MSH3: variants seen among roughly 807,000 people sequenced by gnomAD.
MSH3 encodes the protein mutS homolog 3.
MSH3 carries 106 observed loss-of-function variants against 123.3 expected under a neutral mutation model. That is an observed-to-expected ratio of 0.86 (90% CI 0.73 to 1.01). The LOEUF is 1.01. MSH3 is among the 50% of genes least tolerant of loss of function. The pLI is 0.00. For synonymous variants in MSH3, 515 were observed against 481.4 expected, an observed-to-expected ratio of 1.07 and a Z score of -0.91; for missense variants, 1,459 against 1,347.6, an observed-to-expected ratio of 1.08 and a Z score of -1.29.
chr5:80,685,353 T>C (rs1750064109), intron 8 of MSH3, among the ~76,000 whole-genome samples: 1 of 152,034 alleles, frequency 6.6e-6, no homozygotes, highest in Admixed American at 6.6e-5. Flanking sequence ...TTACTTGTTA[T>C]TGGTCTGTTC....
At chr5:80,696,896 CTGAT>C (rs1395890903) in intron 8 of MSH3, among the ~76,000 whole-genome samples, 2 of 152,220 alleles carry the variant, frequency 1.3e-5, no homozygotes, top group South Asian at 2.1e-4. Flanking sequence ...ATGGGTGAAT[CTGAT>C]TGAGAAAAAG....
At chr5:80,725,173 C>T (rs941870537) in intron 8 of MSH3, among the ~76,000 whole-genome samples, 1 of 146,382 alleles carries the variant, frequency 6.8e-6, no homozygotes, top group Non-Finnish European at 1.5e-5. Flanking sequence ...GAGATTGCTG[C>T]CACTGCACTC....
At chr5:80,778,693 C>A in intron 16 of MSH3, 27 bp from the exon 17 acceptor site, 2 of 1,299,660 alleles carry the variant, frequency 1.5e-6, no homozygotes, top group African/African-American at 1.5e-5. Flanking sequence ...CCTTGATTTC[C>A]TATTTGTGTT....
At chr5:80,869,254 G>A (rs1746157943) in intron 22 of MSH3, among the ~76,000 whole-genome samples, 1 of 152,116 alleles carries the variant, frequency 6.6e-6, no homozygotes, top group Non-Finnish European at 1.5e-5. Flanking sequence ...ATCTTGCTAT[G>A]TTTCCCCATA....
rs6151855 is a variant in MSH3 at position 80,794,596 on chromosome 5, G to A, written c.2655+1752G>A. On this transcript the variant is annotated intron_variant, in intron 19 of 23. Coordinates refer to ENST00000265081, the MANE Select transcript of MSH3 (RefSeq NM_002439.5). ...AATGCCTGACTTTCAGATATCAAAT[G>A]TGCTGTTTTTCTGGTTGATGGCAAG... 9.9e-3 allele frequency among the ~76,000 whole-genome samples: 1,501 copies of A among 152,260 alleles called. 29 individuals are homozygous for A. Among genetic ancestry groups the A allele is most frequent in the African/African-American group, 0.034 (1,431 of 41,562 alleles).
Position 80,776,848 on chromosome 5 carries a change from A to T in MSH3, c.2318+1090A>T, listed in dbSNP as rs1211119238. On this transcript the variant is annotated intron_variant, in intron 16 of 23. Coordinates refer to ENST00000265081, the MANE Select transcript of MSH3 (RefSeq NM_002439.5). ...AAGGGAAATTTTGACATAATGTGTG[A>T]ATGATTGTTACTTTATTACATATAT... 3.4e-5 allele frequency among the ~76,000 whole-genome samples: 5 copies of T among 148,982 alleles called. No individual in the cohort carries two copies. In the Admixed American group the frequency reaches 3.4e-4, roughly 10 times the overall value.
chr5:80,704,912 A>G (rs1370531948), intron 8 of MSH3, among the ~76,000 whole-genome samples: 1 of 152,184 alleles, frequency 6.6e-6, no homozygotes, highest in Non-Finnish European at 1.5e-5. Context: ...CCATACAGTG[A>G]GAGCACAGAA....
At chr5:80,671,998 C>A (rs1749735159) in intron 4 of MSH3, among the ~76,000 whole-genome samples, 1 of 151,500 alleles carries the variant, frequency 6.6e-6, no homozygotes, top group Admixed American at 6.6e-5. Flanking sequence ...TCATATTTTT[C>A]TGAGTCTTTT....
intron 19 of MSH3, among the ~76,000 whole-genome samples, chr5:80,797,008 G>A (rs1022790330): frequency 2.6e-4 from 40 of 151,960 alleles, no homozygotes; most frequent in African/African-American, 9.7e-4. Context: ...TTGGCAGATG[G>A]TTTTCCCTCT....
chr5:80,696,190 A>C (rs1348848348), intron 8 of MSH3, among the ~76,000 whole-genome samples: 1 of 152,172 alleles, frequency 6.6e-6, no homozygotes, highest in African/African-American at 2.4e-5. Flanking sequence ...GTGGAAGTCC[A>C]GTCTCTGTCT....
chr5:80,695,088 T>G (rs941200661), intron 8 of MSH3, among the ~76,000 whole-genome samples: 19 of 46,948 alleles, frequency 4.0e-4, no homozygotes, highest in African/African-American at 5.2e-4. Flanking sequence ...TTTTTTGTTG[T>G]TTTTTTTTTT....
intron 16 of MSH3, among the ~76,000 whole-genome samples, chr5:80,776,316 T>C (rs1744298362): frequency 6.6e-6 from 1 of 152,238 alleles, no homozygotes. Flanking sequence ...ATTATTGCTT[T>C]ATTTTTATAG....
At chr5:80,756,160 C>G (rs1290665038) in intron 12 of MSH3, among the ~76,000 whole-genome samples, 1 of 151,656 alleles carries the variant, frequency 6.6e-6, no homozygotes, top group African/African-American at 2.4e-5. Context: ...TTCATGTAAC[C>G]AAAAACCATT....
chr5:80,721,193 G>A (rs1469270132), intron 8 of MSH3, among the ~76,000 whole-genome samples: 1 of 152,144 alleles, frequency 6.6e-6, no homozygotes, highest in Non-Finnish European at 1.5e-5. Context: ...TATTGTCAAA[G>A]TATTTGAAAA....
chr5:80,721,693 A>G (rs187680712), intron 8 of MSH3, among the ~76,000 whole-genome samples: 8 of 152,304 alleles, frequency 5.3e-5, no homozygotes, highest in Admixed American at 4.6e-4. Flanking sequence ...TTTGGTTATT[A>G]AAGTCTCTTT....
intron 12 of MSH3, among the ~76,000 whole-genome samples, chr5:80,758,128 T>C (rs1743960542): frequency 6.6e-6 from 1 of 152,198 alleles, no homozygotes. Context: ...ACTTGTCAGG[T>C]TTAGCACTCA....
intron 13 of MSH3, among the ~76,000 whole-genome samples, chr5:80,766,673 C>T (rs1744130373): frequency 6.6e-6 from 1 of 151,268 alleles, no homozygotes; most frequent in African/African-American, 2.5e-5. Flanking sequence ...AATCTCTTAA[C>T]TGTCGTTTCA....
intron 15 of MSH3, 106 bp downstream of exon 15, chr5:80,769,109 A>C (rs944978911): frequency 2.9e-6 from 3 of 1,048,944 alleles, no homozygotes; most frequent in Non-Finnish European, 4.2e-6. Context: ...ATCTTTTCAA[A>C]TTTTCTGTTT....
intron 21 of MSH3, among the ~76,000 whole-genome samples, chr5:80,858,532 T>C (rs1745957299): frequency 6.6e-6 from 1 of 152,228 alleles, no homozygotes; most frequent in African/African-American, 2.4e-5. Context: ...TACCTTTTTG[T>C]TATGATTCCT....
Sources: allele counts gnomAD v4.1 joint callset (sites outside exome capture counted in the v4.1 genomes callset), GRCh38; gene constraint gnomAD v4.1.1; transcripts MANE v1.5; gene names NCBI Gene and HGNC (gene_info 2026-07-23, HGNC 2026-07-21).